FBXW2: variants seen among roughly 807,000 people sequenced by gnomAD.
FBXW2 encodes the protein F-box and WD repeat domain containing 2.
FBXW2 carries 12 observed loss-of-function variants against 46.0 expected under a neutral mutation model. That is an observed-to-expected ratio of 0.26 (90% CI 0.17 to 0.42). The LOEUF (loss-of-function observed/expected upper bound fraction) is 0.42, where lower values mean the gene tolerates loss of function less well. FBXW2 is among the 10% of genes least tolerant of loss of function. The probability of loss-of-function intolerance (pLI) is 1.00; values close to 1 mark genes in which losing one functional copy is unlikely to be tolerated. For missense variants in FBXW2, 360 were observed against 537.0 expected (o/e 0.67, Z 3.26); for synonymous variants, 203 against 209.6 (o/e 0.97, Z 0.27).
Position 120,759,119 on chromosome 9 carries a change from G to GAA in FBXW2, c.*5438_*5439dup. 1 of 152,296 alleles carries GAA rather than the reference G, an allele frequency of 6.6e-6. No homozygotes were observed. Among genetic ancestry groups the GAA allele is most frequent in the Middle Eastern group, 3.4e-3 (1 of 294 alleles). 9.4% of individuals were successfully genotyped at this position (152,296 alleles called of 1,614,324 possible). On this transcript the variant is annotated 3_prime_UTR_variant, in exon 8 of 8. Transcript: ENST00000608872. ...TATTTTCAAAAACACACTGACTTTT[G>GAA]AAAAGTCCCTGCATTGGTTGGATAA...
At chr9:120,775,816 A>T (rs1466424982) in intron 5 of FBXW2, among the ~76,000 whole-genome samples, 1 of 152,214 alleles carries the variant, frequency 6.6e-6, no homozygotes, top group Non-Finnish European at 1.5e-5. Flanking sequence ...AACCGGTATC[A>T]CACTCTACAT....
intron 3 of FBXW2, among the ~76,000 whole-genome samples, chr9:120,786,018 CAAAAA>C (rs3047150): frequency 4.9e-5 from 2 of 40,548 alleles, no homozygotes; most frequent in African/African-American, 9.2e-5. Flanking sequence ...GACTCCATCT[CAAAAA>C]AAAAAAAAAA....
intron 3 of FBXW2, among the ~76,000 whole-genome samples, chr9:120,786,372 G>A (rs768584972): frequency 6.6e-6 from 1 of 152,142 alleles, no homozygotes; most frequent in East Asian, 1.9e-4. Context: ...TCTCTCTCCT[G>A]CTGCCTTGTG....
chr9:120,769,236 G>A (rs2044328150), intron 7 of FBXW2, among the ~76,000 whole-genome samples: 2 of 152,188 alleles, frequency 1.3e-5, no homozygotes, highest in Admixed American at 6.5e-5. Flanking sequence ...AGCAACTGAA[G>A]CCAGAGGATT....
At chr9:120,781,130 A>G (rs905454690) in intron 3 of FBXW2, among the ~76,000 whole-genome samples, 11 of 152,230 alleles carry the variant, frequency 7.2e-5, no homozygotes, top group Non-Finnish European at 1.5e-4. Flanking sequence ...AGTATATACC[A>G]AAACTTTTTC....
intron 3 of FBXW2, among the ~76,000 whole-genome samples, chr9:120,779,741 G>A (rs1259440429): frequency 6.6e-6 from 1 of 152,152 alleles, no homozygotes; most frequent in Non-Finnish European, 1.5e-5. Flanking sequence ...AGTTTGCCAG[G>A]TGATTCTAAC....
intron 3 of FBXW2, among the ~76,000 whole-genome samples, chr9:120,786,018 C>T (rs1230915357): frequency 4.9e-5 from 2 of 40,548 alleles, no homozygotes; most frequent in Admixed American, 2.9e-4. Context: ...GACTCCATCT[C>T]AAAAAAAAAA....
At chr9:120,781,333 T>C (rs1407101148) in intron 3 of FBXW2, among the ~76,000 whole-genome samples, 1 of 152,114 alleles carries the variant, frequency 6.6e-6, no homozygotes, top group African/African-American at 2.4e-5. Context: ...AAAGAACTAT[T>C]TGGAATCATT....
At chr9:120,776,477 C>T in intron 4 of FBXW2, 1 of 413,650 alleles carries the variant, frequency 2.4e-6, no homozygotes, top group South Asian at 3.0e-5. Context: ...CAGTGAGAGG[C>T]AAAACAAATG....
chr9:120,792,896 T>C (rs1300266892), intron 2 of FBXW2: 8 of 1,522,310 alleles, frequency 5.3e-6, no homozygotes, highest in Middle Eastern at 1.7e-4. Context: ...CCTGTTTTCA[T>C]GGCATACCCA....
At chr9:120,785,961 G>C (rs952232236) in intron 3 of FBXW2, among the ~76,000 whole-genome samples, 4 of 142,514 alleles carry the variant, frequency 2.8e-5, no homozygotes, top group African/African-American at 1.1e-4. Flanking sequence ...AGAGGTTGCA[G>C]TGAGCCGAGA....
At position 120,761,662 on chromosome 9, in the gene FBXW2, G is replaced by T. The variant is rs2044198873; in HGVS notation, c.*2897C>A. ...GAATAAACCCAGCATCTATAAAGTA[G>T]TTGAATAAAATCTCAGGCCAAATAA... On this transcript the variant is annotated 3_prime_UTR_variant, in exon 8 of 8. Coordinates refer to ENST00000608872, the MANE Select transcript of FBXW2 (RefSeq NM_012164.4). The T allele has an allele frequency of 6.6e-6, 1 of 152,150 alleles. No individual in the cohort carries two copies. The highest frequency in any genetic ancestry group is 1.5e-5 in the Non-Finnish European group (1 of 68,040). 9.4% of individuals were successfully genotyped at this position (152,150 alleles called of 1,614,324 possible). A position where few individuals can be genotyped will look rare whatever the true frequency, so the allele number is the denominator to read the frequency against.
chr9:120,779,543 C>T (rs1008966260), intron 3 of FBXW2, among the ~76,000 whole-genome samples: 1 of 152,162 alleles, frequency 6.6e-6, no homozygotes, highest in African/African-American at 2.4e-5. Flanking sequence ...TGATAGCATA[C>T]TGAAATAAAG....
At chr9:120,784,826 C>T (rs1268490001) in intron 3 of FBXW2, among the ~76,000 whole-genome samples, 1 of 149,194 alleles carries the variant, frequency 6.7e-6, no homozygotes, top group Non-Finnish European at 1.5e-5. Context: ...GAAGCTGAGG[C>T]GAGAGAATCG....
chr9:120,769,385 C>CTAT (rs111244571), intron 7 of FBXW2, among the ~76,000 whole-genome samples: 37 of 152,284 alleles, frequency 2.4e-4, no homozygotes, highest in African/African-American at 8.4e-4. Context: ...TTATTTAAAA[C>CTAT]TATTATTCAA....
At chr9:120,787,625 G>GA (rs1329202670) in intron 3 of FBXW2, 144 bp downstream of exon 3, 5 of 745,368 alleles carry the variant, frequency 6.7e-6, no homozygotes, top group Admixed American at 6.4e-5. Flanking sequence ...TAAGGGGGGG[G>GA]AACCACTCAG....
At chr9:120,775,770 C>A (rs905625017) in intron 5 of FBXW2, among the ~76,000 whole-genome samples, 2 of 152,032 alleles carry the variant, frequency 1.3e-5, no homozygotes, top group Non-Finnish European at 2.9e-5. Context: ...CCAGAAATAC[C>A]CACCTTCAAC....
chr9:120,789,365 CAAAT>C (rs2044786936), intron 2 of FBXW2, among the ~76,000 whole-genome samples: 2 of 152,118 alleles, frequency 1.3e-5, no homozygotes, highest in African/African-American at 4.8e-5. Context: ...CTAACTGTAA[CAAAT>C]AATTTTTTTT....
intron 7 of FBXW2, 125 bp from the exon 8 acceptor site, chr9:120,764,972 T>G: frequency 1.2e-6 from 1 of 820,458 alleles, no homozygotes; most frequent in African/African-American, 1.7e-5. Context: ...TTAAATGTTT[T>G]TGATAAAAAG....
Sources: gnomAD v4.1 joint callset for allele counts (sites outside exome capture counted in the v4.1 genomes callset) on GRCh38, gnomAD v4.1.1 for gene constraint, MANE v1.5 for transcripts, NCBI Gene and HGNC (gene_info 2026-07-23, HGNC 2026-07-21) for gene names.